TNIK: variants seen among roughly 807,000 people sequenced by gnomAD.
The protein encoded by TNIK is TRAF2 and NCK-interacting protein kinase.
A neutral mutation model predicts 191.3 loss-of-function variants in TNIK; 49 were observed. That is an observed-to-expected ratio of 0.26 (90% CI 0.20 to 0.32). The LOEUF is 0.32. TNIK is among the 10% of genes least tolerant of loss of function. The pLI is 1.00. For missense variants in TNIK, 1,155 were observed against 1,702.3 expected, an observed-to-expected ratio of 0.68 and a Z score of 5.66; for synonymous variants, 594 against 600.9, an observed-to-expected ratio of 0.99 and a Z score of 0.17.
chr3:171,225,915 C>T (rs1742910989), intron 3 of TNIK, among the ~76,000 whole-genome samples: 1 of 152,154 alleles, frequency 6.6e-6, no homozygotes, highest in Non-Finnish European at 1.5e-5. Flanking sequence ...TGTTAAACTG[C>T]CAAGCTCATC....
At chr3:171,430,248 C>G (rs1280695500) in intron 1 of TNIK, among the ~76,000 whole-genome samples, 1 of 152,136 alleles carries the variant, frequency 6.6e-6, no homozygotes, top group Non-Finnish European at 1.5e-5. Context: ...CAATATACAT[C>G]AAGTGAATTT....
intron 2 of TNIK, among the ~76,000 whole-genome samples, chr3:171,285,013 C>A (rs560710033): frequency 1.3e-5 from 2 of 152,194 alleles, no homozygotes; most frequent in Non-Finnish European, 2.9e-5. Flanking sequence ...ATTTTTAAAA[C>A]CTTCTTTCCT....
intron 2 of TNIK, among the ~76,000 whole-genome samples, chr3:171,275,566 C>T (rs1025665810): frequency 7.2e-5 from 11 of 152,106 alleles, no homozygotes; most frequent in African/African-American, 2.7e-4. Flanking sequence ...TCTAATTTCT[C>T]ACAAAATTAT....
At chr3:171,294,613 CAGGAGGCTG>C (rs1367757848) in intron 2 of TNIK, among the ~76,000 whole-genome samples, 1 of 151,938 alleles carries the variant, frequency 6.6e-6, no homozygotes, top group African/African-American at 2.4e-5. Flanking sequence ...CCCAACTACT[CAGGAGGCTG>C]AGGCAGGAGA....
chr3:171,292,311 T>C (rs1052975734), intron 2 of TNIK, among the ~76,000 whole-genome samples: 6 of 152,338 alleles, frequency 3.9e-5, no homozygotes, highest in African/African-American at 7.2e-5. Context: ...ATTATGAATA[T>C]TGTTGTGGAG....
At chr3:171,299,918 G>A (rs988216381) in intron 2 of TNIK, among the ~76,000 whole-genome samples, 50 of 152,264 alleles carry the variant, frequency 3.3e-4, no homozygotes, top group Admixed American at 2.4e-3. Flanking sequence ...TGCTATTCCA[G>A]GGAACCAGAA....
intron 2 of TNIK, among the ~76,000 whole-genome samples, chr3:171,280,302 G>T (rs1750277757): frequency 6.6e-6 from 1 of 152,166 alleles, no homozygotes; most frequent in African/African-American, 2.4e-5. Flanking sequence ...GAGAATTTTT[G>T]AACTGGGTGA....
chr3:171,127,489 C>T (rs1203388279), intron 16 of TNIK, among the ~76,000 whole-genome samples: 1 of 152,074 alleles, frequency 6.6e-6, no homozygotes, highest in Non-Finnish European at 1.5e-5. Context: ...CTGAAGAAAG[C>T]TTAAGTGAAT....
At chr3:171,343,782 TCTCC>T (rs1711687526) in intron 2 of TNIK, among the ~76,000 whole-genome samples, 1 of 152,174 alleles carries the variant, frequency 6.6e-6, no homozygotes, top group African/African-American at 2.4e-5. Flanking sequence ...TTTTGATTTA[TCTCC>T]AAATCAATGT....
chr3:171,291,811 T>C (rs767437198), intron 2 of TNIK, among the ~76,000 whole-genome samples: 3 of 152,318 alleles, frequency 2.0e-5, no homozygotes, highest in Non-Finnish European at 4.4e-5. Flanking sequence ...CATTATCTCA[T>C]CAATATTTTT....
At chr3:171,453,416 G>A (rs1404779332) in intron 1 of TNIK, among the ~76,000 whole-genome samples, 1 of 152,038 alleles carries the variant, frequency 6.6e-6, no homozygotes, top group African/African-American at 2.4e-5. Flanking sequence ...AAGACAGAGC[G>A]CCCCCTACAG....
intron 2 of TNIK, among the ~76,000 whole-genome samples, chr3:171,357,601 G>C (rs1410416015): frequency 7.2e-6 from 1 of 138,064 alleles, no homozygotes; most frequent in African/African-American, 2.7e-5. Flanking sequence ...ACTCTGTATT[G>C]GTACTAGAGA....
intron 6 of TNIK, among the ~76,000 whole-genome samples, chr3:171,189,060 C>A (rs1183038176): frequency 6.6e-6 from 1 of 152,148 alleles, no homozygotes; most frequent in East Asian, 1.9e-4. Context: ...AAACTTTGTA[C>A]CTATTAAACA....
intron 15 of TNIK, among the ~76,000 whole-genome samples, chr3:171,130,069 G>A (rs1729029256): frequency 2.6e-5 from 4 of 152,128 alleles, no homozygotes; most frequent in South Asian, 2.1e-4. Context: ...AAGAACCCAC[G>A]TGCAGATGTT....
chr3:171,225,518 T>A (rs1167236911), intron 3 of TNIK: 1 of 455,824 alleles, frequency 2.2e-6, no homozygotes, highest in Non-Finnish European at 4.4e-6. Flanking sequence ...CTCCTTTGCA[T>A]GTAAAATGGC....
chr3:171,173,650 G>A (rs1735613315), intron 9 of TNIK, among the ~76,000 whole-genome samples: 1 of 152,122 alleles, frequency 6.6e-6, no homozygotes, highest in African/African-American at 2.4e-5. Flanking sequence ...TTAAAACAGG[G>A]TATATGACCA....
chr3:171,262,643 G>A (rs1229216930), intron 2 of TNIK, among the ~76,000 whole-genome samples: 2 of 152,184 alleles, frequency 1.3e-5, no homozygotes, highest in Non-Finnish European at 2.9e-5. Context: ...GAAAGCAGTT[G>A]TATTAATATA....
intron 1 of TNIK, among the ~76,000 whole-genome samples, chr3:171,388,642 T>G (rs1039391960): frequency 2.0e-5 from 3 of 152,212 alleles, no homozygotes; most frequent in Non-Finnish European, 4.4e-5. Flanking sequence ...CTTTGTGTTC[T>G]ACTTCAACTG....
At chr3:171,074,896 T>C (rs534999828) in intron 28 of TNIK, among the ~76,000 whole-genome samples, 4 of 152,322 alleles carry the variant, frequency 2.6e-5, no homozygotes, top group Admixed American at 6.5e-5. Context: ...AGTTTTCTGA[T>C]AGAGAATTAC....
Sources: gnomAD v4.1 joint callset for allele counts (sites outside exome capture counted in the v4.1 genomes callset) on GRCh38, gnomAD v4.1.1 for gene constraint, MANE v1.5 for transcripts, NCBI Gene and HGNC (gene_info 2026-07-23, HGNC 2026-07-21) for gene names.